MECOM: variants seen among roughly 807,000 people sequenced by gnomAD.
The protein encoded by MECOM is histone-lysine N-methyltransferase MECOM.
In MECOM, 13 loss-of-function variants were observed where a neutral mutation model predicts 116.3. That is an observed-to-expected ratio of 0.11 (90% CI 0.07 to 0.18). The LOEUF is 0.18. Among genes scored for constraint, MECOM ranks in the 10% least tolerant of loss-of-function variants. MECOM has a pLI of 1.00. For missense variants in MECOM, 1,299 were observed against 1,509.0 expected (o/e 0.86, Z 2.31); for synonymous variants, 528 against 535.2 (o/e 0.99, Z 0.19).
chr3:169,369,274 C>T (rs1729685782), intron 2 of MECOM, among the ~76,000 whole-genome samples: 1 of 151,034 alleles, frequency 6.6e-6, no homozygotes, highest in African/African-American at 2.4e-5. Context: ...CCCTCTTGAG[C>T]CCAGGCCAAA....
intron 1 of MECOM, among the ~76,000 whole-genome samples, chr3:169,546,633 A>C (rs1159502843): frequency 1.3e-5 from 2 of 152,180 alleles, no homozygotes; most frequent in African/African-American, 4.8e-5. Flanking sequence ...AGTGTGTTGG[A>C]CTGTATCCAA....
intron 9 of MECOM, among the ~76,000 whole-genome samples, chr3:169,109,004 A>T (rs926452304): frequency 3.9e-5 from 6 of 152,228 alleles, no homozygotes; most frequent in Admixed American, 6.5e-5. Context: ...TAGTAAAATC[A>T]AACCAAGGAA....
intron 1 of MECOM, among the ~76,000 whole-genome samples, chr3:169,638,643 C>T (rs1294580497): frequency 6.6e-6 from 1 of 152,166 alleles, no homozygotes; most frequent in East Asian, 1.9e-4. Context: ...TCTGCTTCAG[C>T]ACAAATCAAG....
intron 1 of MECOM, among the ~76,000 whole-genome samples, chr3:169,645,063 A>T (rs956639235): frequency 2.0e-5 from 3 of 152,200 alleles, no homozygotes; most frequent in Admixed American, 6.5e-5. Context: ...ACCATTAGGA[A>T]CACAGACCAA....
chr3:169,359,303 C>T (rs1347423952), intron 2 of MECOM, among the ~76,000 whole-genome samples: 1 of 151,756 alleles, frequency 6.6e-6, no homozygotes, highest in African/African-American at 2.4e-5. Context: ...TACTTTACAA[C>T]TGTATCTTAG....
intron 1 of MECOM, among the ~76,000 whole-genome samples, chr3:169,453,963 C>T (rs1746034999): frequency 6.6e-6 from 1 of 151,954 alleles, no homozygotes; most frequent in African/African-American, 2.4e-5. Flanking sequence ...GCAATCAAAA[C>T]TTGTTGGGGT....
At chr3:169,488,197 G>C (rs1384285487) in intron 1 of MECOM, among the ~76,000 whole-genome samples, 1 of 151,780 alleles carries the variant, frequency 6.6e-6, no homozygotes, top group African/African-American at 2.4e-5. Context: ...TAATTAACAA[G>C]TTTGATCAAA....
rs373881811 is a variant in MECOM at position 169,576,796 on chromosome 3, TACACACACACAC to T, written c.37+86528_37+86539del. Among the ~76,000 whole-genome samples the T allele has an allele frequency of 4.5e-4, 61 of 136,576 alleles. 1 individual carries two copies. The East Asian group carries it at 5.3e-3, about 12-fold the overall frequency. The allele number at this position is 136,576 out of a possible 152,430, so 89.6% of individuals were successfully genotyped here. A position where few individuals can be genotyped will look rare whatever the true frequency, so the allele number is the denominator to read the frequency against. On this transcript the variant is annotated intron_variant, in intron 1 of 16. Transcript: ENST00000651503. ...TTTTCCAGGATTTCACTTCCTGTTT[TACACACACACAC>T]ACACACACACACACACACACACACA...
chr3:169,330,970 C>T (rs966091772), intron 2 of MECOM, among the ~76,000 whole-genome samples: 2 of 151,868 alleles, frequency 1.3e-5, no homozygotes, highest in Non-Finnish European at 2.9e-5. Flanking sequence ...TATATATTTA[C>T]AGCTAAAGTA....
intron 1 of MECOM, among the ~76,000 whole-genome samples, chr3:169,656,761 T>C (rs145657821): frequency 6.6e-6 from 1 of 152,346 alleles, no homozygotes; most frequent in African/African-American, 2.4e-5. Flanking sequence ...CTAATAACAT[T>C]GTATTTTATA....
In MECOM at chr3:169,378,260, G is replaced by A. The variant is rs549116747; in HGVS notation, c.375+2927C>T. Reference sequence around the variant, plus strand: ...TGGGTGCAGCAAACCACCATGGCACGTGTATATCTATGTAACAAACCTGCA... The same window carrying A: ...TGGGTGCAGCAAACCACCATGGCACATGTATATCTATGTAACAAACCTGCA... On this transcript the variant is annotated intron_variant, in intron 2 of 16. Coordinates refer to ENST00000651503, the MANE Select transcript of MECOM (RefSeq NM_004991.4). 3.4e-3 allele frequency among the ~76,000 whole-genome samples: 517 copies of A among 150,138 alleles called. 5 individuals carry two copies. The highest frequency in any genetic ancestry group is 4.3e-3 in the Non-Finnish European group (291 of 67,684).
At chr3:169,455,362 T>A (rs910794618) in intron 1 of MECOM, among the ~76,000 whole-genome samples, 3 of 152,224 alleles carry the variant, frequency 2.0e-5, no homozygotes, top group Non-Finnish European at 2.9e-5. Context: ...TATCTCCGCG[T>A]TTATACTGCG....
intron 3 of MECOM, 57 bp from the exon 4 acceptor site, chr3:169,131,588 T>G: frequency 3.0e-6 from 4 of 1,344,818 alleles, no homozygotes; most frequent in South Asian, 1.2e-5. Context: ...GTATATATAT[T>G]AACAAAGGGC....
Position 169,316,886 on chromosome 3 carries a change from T to C in MECOM, c.375+64301A>G, listed in dbSNP as rs554997332. ...TATACTTTTAATCAAGTTTCATTACTGTGTGTCATTAGTTAAAAGAAAAAT... is the reference window on the plus strand; with the variant it reads ...TATACTTTTAATCAAGTTTCATTACCGTGTGTCATTAGTTAAAAGAAAAAT... On this transcript the variant is annotated intron_variant, in intron 2 of 16. Coordinates refer to ENST00000651503, the MANE Select transcript of MECOM (RefSeq NM_004991.4). 3.3e-5 allele frequency among the ~76,000 whole-genome samples: 5 copies of C among 152,338 alleles called. No homozygotes were observed. The East Asian group carries it at 9.7e-4, about 29-fold the overall frequency.
intron 2 of MECOM, among the ~76,000 whole-genome samples, chr3:169,378,449 G>GAAAGAAAGAAAGC (rs780989804): frequency 1.7e-5 from 1 of 59,622 alleles, no homozygotes; most frequent in African/African-American, 1.1e-4. Flanking sequence ...AAGAAAGAAA[G>GAAAGAAAGAAAGC]AAGGAAAGCA....
intron 2 of MECOM, among the ~76,000 whole-genome samples, chr3:169,372,506 G>T (rs922420210): frequency 6.6e-6 from 1 of 151,910 alleles, no homozygotes; most frequent in African/African-American, 2.4e-5. Flanking sequence ...GTTAGAAAAC[G>T]GTCAGTGCTT....
chr3:169,615,503 G>A (rs892337933), intron 1 of MECOM, among the ~76,000 whole-genome samples: 2 of 152,188 alleles, frequency 1.3e-5, no homozygotes, highest in African/African-American at 4.8e-5. Context: ...TGAACTCAGT[G>A]AAACTTGTCC....
chr3:169,447,101 A>G (rs1316291348), intron 1 of MECOM, among the ~76,000 whole-genome samples: 3 of 152,190 alleles, frequency 2.0e-5, no homozygotes, highest in African/African-American at 7.2e-5. Flanking sequence ...AGAAGATTCT[A>G]CATTAGTTCA....
chr3:169,491,159 A>C (rs1421744161), intron 1 of MECOM, among the ~76,000 whole-genome samples: 1 of 152,208 alleles, frequency 6.6e-6, no homozygotes, highest in Non-Finnish European at 1.5e-5. Flanking sequence ...GCCCAGTCTG[A>C]AACATTTCAT....
Sources: gnomAD v4.1 joint callset for allele counts (sites outside exome capture counted in the v4.1 genomes callset) on GRCh38, gnomAD v4.1.1 for gene constraint, MANE v1.5 for transcripts, NCBI Gene and HGNC (gene_info 2026-07-23, HGNC 2026-07-21) for gene names.